Variants in MICU1 observed in about 807,000 individuals in gnomAD.
MICU1 encodes the protein calcium uptake protein 1, mitochondrial.
A neutral mutation model predicts 56.8 loss-of-function variants in MICU1; 45 were observed. The observed-to-expected ratio is 0.79, with a 90% CI of 0.62 to 1.02. The LOEUF (loss-of-function observed/expected upper bound fraction) is 1.02. MICU1 is among the 50% of genes least tolerant of loss of function. The pLI is 0.00. For synonymous variants in MICU1, 186 were observed against 195.1 expected (o/e 0.95, Z 0.39); for missense variants, 504 against 587.1 (o/e 0.86, Z 1.46).
chr10:72,484,410 C>CAA (rs528815777), intron 6 of MICU1, among the ~76,000 whole-genome samples: 12 of 132,652 alleles, frequency 9.0e-5, no homozygotes, highest in Admixed American at 3.0e-4. Context: ...ATACCAAGGA[C>CAA]AAAAAAAAAA....
At chr10:72,396,392 G>A (rs1199059923) in intron 10 of MICU1, among the ~76,000 whole-genome samples, 1 of 152,184 alleles carries the variant, frequency 6.6e-6, no homozygotes, top group Admixed American at 6.5e-5. Context: ...CCAAAGGATC[G>A]CAGCTCCTCG....
At chr10:72,568,038 T>C (rs1840488353) in intron 1 of MICU1, among the ~76,000 whole-genome samples, 1 of 152,096 alleles carries the variant, frequency 6.6e-6, no homozygotes, top group African/African-American at 2.4e-5. Flanking sequence ...GGAGGACTAA[T>C]TCCATACTTC....
At chr10:72,479,732 C>A (rs1866232803) in intron 6 of MICU1, among the ~76,000 whole-genome samples, 1 of 152,032 alleles carries the variant, frequency 6.6e-6, no homozygotes, top group African/African-American at 2.4e-5. Context: ...CACTACATTG[C>A]CCAGGCTGGT....
chr10:72,400,392 G>A (rs1255447208), intron 10 of MICU1, among the ~76,000 whole-genome samples: 1 of 151,960 alleles, frequency 6.6e-6, no homozygotes, highest in Non-Finnish European at 1.5e-5. Context: ...TCTTTAGTTG[G>A]GCTTTTCAAA....
chr10:72,613,345 C>CACT (rs1324605987), intron 1 of MICU1, among the ~76,000 whole-genome samples: 6 of 149,122 alleles, frequency 4.0e-5, no homozygotes, highest in Non-Finnish European at 5.9e-5. Flanking sequence ...ATGAGCATAG[C>CACT]ACTCTGCAGC....
At chr10:72,595,258 C>G (rs1244633760) in intron 1 of MICU1, among the ~76,000 whole-genome samples, 2 of 151,490 alleles carry the variant, frequency 1.3e-5, no homozygotes, top group African/African-American at 4.8e-5. Flanking sequence ...CTGAGACCAG[C>G]CTGGCCAACA....
At chr10:72,614,873 C>T (rs932351608) in intron 1 of MICU1, among the ~76,000 whole-genome samples, 11 of 152,058 alleles carry the variant, frequency 7.2e-5, no homozygotes, top group Admixed American at 4.6e-4. Flanking sequence ...GTACTTAATG[C>T]CACTGTACAT....
chr10:72,459,764 T>C (rs375836717), intron 8 of MICU1, among the ~76,000 whole-genome samples: 2 of 152,330 alleles, frequency 1.3e-5, no homozygotes, highest in East Asian at 3.9e-4. Flanking sequence ...AATTCATATA[T>C]CCAATTGCCT....
intron 5 of MICU1, among the ~76,000 whole-genome samples, chr10:72,513,701 C>A (rs1867557829): frequency 6.6e-6 from 1 of 151,848 alleles, no homozygotes; most frequent in African/African-American, 2.4e-5. Context: ...GGTTATTGAT[C>A]CATTTTGAGT....
chr10:72,421,797 G>A (rs189448328), intron 9 of MICU1, among the ~76,000 whole-genome samples: 283 of 152,186 alleles, frequency 1.9e-3, no homozygotes, highest in African/African-American at 6.3e-3. Flanking sequence ...CTCTTTAAAC[G>A]TACATACAAC....
At chr10:72,368,381 G>A in intron 11 of MICU1, 26 bp from the exon 12 acceptor site, 1 of 1,605,268 alleles carries the variant, frequency 6.2e-7, no homozygotes, top group Non-Finnish European at 8.5e-7. Flanking sequence ...AAAACAACAG[G>A]GATAAGTGTT....
Position 72,502,929 on chromosome 10 carries a change from G to C in MICU1, c.652+5226C>G, listed in dbSNP as rs921974688. 1.7e-5 allele frequency: 3 copies of C among 176,804 alleles called. No homozygotes were observed. In the Admixed American group the frequency reaches 1.8e-4, roughly 11 times the overall value. 11.0% of individuals were successfully genotyped at this position (176,804 alleles called of 1,614,324 possible). ...AGAGTTTATGACCAGCCTTTCCGTA[G>C]TTCAGCCTTAGACAAAGAAGCAGCA... On this transcript the variant is annotated intron_variant, in intron 6 of 11. Coordinates refer to ENST00000361114, the MANE Select transcript of MICU1 (RefSeq NM_001195518.2).
chr10:72,491,507 C>G (rs1231323941), intron 6 of MICU1, among the ~76,000 whole-genome samples: 1 of 152,108 alleles, frequency 6.6e-6, no homozygotes, highest in East Asian at 1.9e-4. Flanking sequence ...CAAGTGAGCA[C>G]AGAAAGACTA....
At chr10:72,440,099 C>T (rs1183226659) in intron 8 of MICU1, among the ~76,000 whole-genome samples, 1 of 152,284 alleles carries the variant, frequency 6.6e-6, no homozygotes, top group Admixed American at 6.5e-5. Flanking sequence ...CGAGACAATC[C>T]TAAGCCAAAA....
chr10:72,588,153 A>G (rs967087045), intron 1 of MICU1, among the ~76,000 whole-genome samples: 4 of 151,784 alleles, frequency 2.6e-5, no homozygotes, highest in African/African-American at 9.7e-5. Context: ...AGTGTGTAGT[A>G]CTTCCCCCTC....
intron 6 of MICU1, among the ~76,000 whole-genome samples, chr10:72,491,876 C>A (rs1427500069): frequency 6.6e-6 from 1 of 151,794 alleles, no homozygotes; most frequent in African/African-American, 2.4e-5. Flanking sequence ...GGCGTGACTA[C>A]AAGATAGGCT....
chr10:72,451,441 G>A (rs1158481756), intron 8 of MICU1, among the ~76,000 whole-genome samples: 1 of 152,196 alleles, frequency 6.6e-6, no homozygotes, highest in East Asian at 1.9e-4. Context: ...AACTATTAAA[G>A]AAGCTGTTCC....
intron 10 of MICU1, among the ~76,000 whole-genome samples, chr10:72,393,097 T>C (rs1028492717): frequency 1.2e-4 from 18 of 152,200 alleles, no homozygotes; most frequent in Admixed American, 2.0e-4. Flanking sequence ...GGTAGAAGGG[T>C]AGAGGTTTAT....
At chr10:72,392,676 T>G (rs1291230351) in intron 10 of MICU1, among the ~76,000 whole-genome samples, 1 of 152,236 alleles carries the variant, frequency 6.6e-6, no homozygotes, top group Non-Finnish European at 1.5e-5. Context: ...CAGTCTGACT[T>G]CAGAACTTCT....
Sources: allele counts gnomAD v4.1 joint callset (sites outside exome capture counted in the v4.1 genomes callset), GRCh38; gene constraint gnomAD v4.1.1; transcripts MANE v1.5; gene names NCBI Gene and HGNC (gene_info 2026-07-23, HGNC 2026-07-21).